ASTN2: variants seen among roughly 807,000 people sequenced by gnomAD.
The protein encoded by ASTN2 is astrotactin-2.
ASTN2 carries 54 observed loss-of-function variants against 139.8 expected under a neutral mutation model. That is an observed-to-expected ratio of 0.39 (90% CI 0.31 to 0.48). The LOEUF (loss-of-function observed/expected upper bound fraction) is 0.48, where lower values mean the gene tolerates loss of function less well. Among genes scored for constraint, ASTN2 ranks in the 20% least tolerant of loss-of-function variants. The pLI is 0.95. For missense variants in ASTN2, 1,565 were observed against 1,725.1 expected, an observed-to-expected ratio of 0.91 and a Z score of 1.64; for synonymous variants, 756 against 719.5, an observed-to-expected ratio of 1.05 and a Z score of -0.81.
At chr9:116,978,135 C>A (rs1383209284) in intron 7 of ASTN2, among the ~76,000 whole-genome samples, 1 of 152,114 alleles carries the variant, frequency 6.6e-6, no homozygotes, top group African/African-American at 2.4e-5. Context: ...GGTAATACCA[C>A]CCCATTCCTC....
chr9:116,784,929 C>CAA (rs58241855), intron 13 of ASTN2, among the ~76,000 whole-genome samples: 97 of 104,134 alleles, frequency 9.3e-4, no homozygotes, highest in Middle Eastern at 4.5e-3. Context: ...AACTCCGCCT[C>CAA]AAAAAAAAAA....
At chr9:116,893,572 C>T (rs926270952) in intron 10 of ASTN2, among the ~76,000 whole-genome samples, 4 of 152,156 alleles carry the variant, frequency 2.6e-5, no homozygotes, top group African/African-American at 9.7e-5. Flanking sequence ...CCTGGCTCTA[C>T]TTGGTATTGT....
intron 19 of ASTN2, among the ~76,000 whole-genome samples, chr9:116,523,648 T>C (rs1850972795): frequency 6.6e-6 from 1 of 152,178 alleles, no homozygotes; most frequent in East Asian, 1.9e-4. Flanking sequence ...TTGTTATTTT[T>C]ATGATAATGG....
Position 116,698,130 on chromosome 9 carries a change from C to A in ASTN2, c.2806+27641G>T. Reference sequence around the variant, plus strand: ...GCCCTGCCGGGAGGCAGACCATCAGCCTCCTGGCCACTGTACACTCCCTGT... The same window carrying A: ...GCCCTGCCGGGAGGCAGACCATCAGACTCCTGGCCACTGTACACTCCCTGT... On this transcript the variant is annotated intron_variant, in intron 16 of 22. Transcript: ENST00000313400. This position sits in a 1 kb window ranked among gnomAD's most constrained non-coding sequence, Gnocchi z 4.4. 1 of 1,614,102 alleles carries A rather than the reference C, an allele frequency of 6.2e-7. No individual in the cohort carries two copies. Among genetic ancestry groups the A allele is most frequent in the Non-Finnish European group, 8.5e-7 (1 of 1,180,036 alleles).
intron 4 of ASTN2, among the ~76,000 whole-genome samples, chr9:117,098,097 A>G (rs902522206): frequency 9.9e-5 from 15 of 152,276 alleles, no homozygotes; most frequent in Non-Finnish European, 1.5e-4. Flanking sequence ...TCCAACTCCA[A>G]ATTTGGTCTC....
chr9:116,424,665 C>T lies in ASTN2; in HGVS notation c.*1186G>A, dbSNP rs1847258049. On this transcript the variant is annotated 3_prime_UTR_variant, in exon 23 of 23. Coordinates refer to ENST00000313400, the MANE Select transcript of ASTN2 (RefSeq NM_001365068.1). The stretch of plus-strand genomic sequence containing the variant: ...CCATGTCAGTTCACTGCAAACTCTG[C>T]CTCCCAGGTTCAAGCAATTCTCATG... Among the ~76,000 whole-genome samples the T allele has an allele frequency of 2.0e-5, 3 of 151,294 alleles. No individual in the cohort carries two copies. The South Asian group carries it at 6.3e-4, about 32-fold the overall frequency.
At chr9:116,643,202 G>A (rs1330391159) in intron 17 of ASTN2, among the ~76,000 whole-genome samples, 2 of 152,126 alleles carry the variant, frequency 1.3e-5, no homozygotes, top group Non-Finnish European at 2.9e-5. Context: ...GTTGGCACTC[G>A]ATAATTGTTA....
At chr9:116,824,474 A>G (rs4837914) in intron 11 of ASTN2, among the ~76,000 whole-genome samples, 120,789 of 152,074 alleles carry the variant, frequency 0.79, 48,165 homozygotes, top group East Asian at 0.92. Flanking sequence ...AGGAAGTAAC[A>G]CCTCTGGCCA....
At chr9:116,729,589 C>A (rs1385543596) in intron 14 of ASTN2, among the ~76,000 whole-genome samples, 3 of 152,218 alleles carry the variant, frequency 2.0e-5, no homozygotes, top group African/African-American at 7.2e-5. Context: ...TAGCTGCTTT[C>A]ACACTATGAC....
chr9:116,814,205 T>C (rs1289921094), intron 12 of ASTN2, among the ~76,000 whole-genome samples: 1 of 152,118 alleles, frequency 6.6e-6, no homozygotes, highest in Non-Finnish European at 1.5e-5. Context: ...TGCAGAAACC[T>C]GTGAAAACCC....
intron 19 of ASTN2, among the ~76,000 whole-genome samples, chr9:116,496,597 G>A (rs914865363): frequency 6.6e-6 from 1 of 152,222 alleles, no homozygotes; most frequent in East Asian, 1.9e-4. Context: ...GGAAGTCGGG[G>A]AGATGGGGCA....
intron 17 of ASTN2, among the ~76,000 whole-genome samples, chr9:116,630,420 G>A (rs1161345698): frequency 1.3e-5 from 2 of 152,132 alleles, no homozygotes; most frequent in African/African-American, 4.8e-5. Flanking sequence ...TTTCATCAAT[G>A]TCACAAATCT....
At chr9:116,503,145 G>A (rs555429458) in intron 19 of ASTN2, among the ~76,000 whole-genome samples, 25 of 151,172 alleles carry the variant, frequency 1.7e-4, no homozygotes, top group Admixed American at 1.3e-3. Context: ...AGGAAGTAAG[G>A]AAAGAAGAAA....
At chr9:116,563,455 TAGAG>T (rs1853028878) in intron 19 of ASTN2, among the ~76,000 whole-genome samples, 1 of 152,100 alleles carries the variant, frequency 6.6e-6, no homozygotes, top group African/African-American at 2.4e-5. Context: ...GAATTTGCAA[TAGAG>T]AGAACCACAT....
At chr9:117,152,520 C>A (rs1830347951) in intron 3 of ASTN2, among the ~76,000 whole-genome samples, 2 of 152,178 alleles carry the variant, frequency 1.3e-5, no homozygotes, top group South Asian at 4.1e-4. Flanking sequence ...GGTCTTCTGT[C>A]TGCTCTCATA....
chr9:116,443,504 G>A (rs1480362332), intron 20 of ASTN2, among the ~76,000 whole-genome samples: 1 of 152,154 alleles, frequency 6.6e-6, no homozygotes, highest in Non-Finnish European at 1.5e-5. Context: ...TAGAAGGAAA[G>A]AACAGGTAAA....
At chr9:116,979,686 A>C (rs996321206) in intron 7 of ASTN2, among the ~76,000 whole-genome samples, 3 of 152,100 alleles carry the variant, frequency 2.0e-5, no homozygotes, top group African/African-American at 7.2e-5. Context: ...ATGATTCATA[A>C]TGGGAGAGGT....
chr9:116,501,113 C>T (rs1392357219), intron 19 of ASTN2, among the ~76,000 whole-genome samples: 1 of 152,150 alleles, frequency 6.6e-6, no homozygotes, highest in Non-Finnish European at 1.5e-5. Flanking sequence ...ATTTGTCTTT[C>T]TTCTTCTCCC....
At chr9:116,704,937 G>A (rs1208163896) in intron 16 of ASTN2, among the ~76,000 whole-genome samples, 1 of 152,052 alleles carries the variant, frequency 6.6e-6, no homozygotes, top group African/African-American at 2.4e-5. Flanking sequence ...CACACGCACA[G>A]GTAGAGATGA....
Sources: allele counts gnomAD v4.1 joint callset (sites outside exome capture counted in the v4.1 genomes callset), GRCh38; gene constraint gnomAD v4.1.1; non-coding constraint Gnocchi (gnomAD v3.1); transcripts MANE v1.5; gene names NCBI Gene and HGNC (gene_info 2026-07-23, HGNC 2026-07-21).